ELOVL6: variants seen among roughly 807,000 people sequenced by gnomAD.
ELOVL6 encodes ELOVL fatty acid elongase 6, also known as very long chain fatty acid elongase 6.
A neutral mutation model predicts 31.7 loss-of-function variants in ELOVL6; 8 were observed. That is an observed-to-expected ratio of 0.25 (90% confidence interval 0.15 to 0.45). The LOEUF (loss-of-function observed/expected upper bound fraction) is 0.45, where lower values mean the gene tolerates loss of function less well. ELOVL6 is among the 20% of genes least tolerant of loss of function. The probability of loss-of-function intolerance (pLI) is 1.00; values close to 1 mark genes in which losing one functional copy is unlikely to be tolerated. For synonymous variants in ELOVL6, 101 were observed against 117.7 expected (o/e 0.86, Z 0.92); for missense variants, 126 against 326.4 (o/e 0.39, Z 4.73).
chr4:110,141,442 G>A (rs1757953698), intron 1 of ELOVL6, among the ~76,000 whole-genome samples: 1 of 152,016 alleles, frequency 6.6e-6, no homozygotes, highest in Admixed American at 6.6e-5. Context: ...CAATGCACCT[G>A]AAAAATGCAA....
At chr4:110,172,986 C>T (rs1758998527) in intron 1 of ELOVL6, among the ~76,000 whole-genome samples, 1 of 152,174 alleles carries the variant, frequency 6.6e-6, no homozygotes, top group Non-Finnish European at 1.5e-5. Flanking sequence ...TGTGGATTCT[C>T]ATATGCTTAT....
At chr4:110,084,447 C>CACATATCATATAT (rs779545208) in intron 2 of ELOVL6, among the ~76,000 whole-genome samples, 3 of 109,802 alleles carry the variant, frequency 2.7e-5, no homozygotes, top group African/African-American at 4.4e-5. Context: ...TATGATATAT[C>CACATATCATATAT]GCATATATCA....
At chr4:110,134,758 G>C (rs1188092528) in intron 1 of ELOVL6, among the ~76,000 whole-genome samples, 1 of 152,026 alleles carries the variant, frequency 6.6e-6, no homozygotes, top group Non-Finnish European at 1.5e-5. Flanking sequence ...CCAGGAATTC[G>C]AGACCAGCCT....
chr4:110,111,213 A>G (rs17041366), intron 1 of ELOVL6, among the ~76,000 whole-genome samples: 2,874 of 152,258 alleles, frequency 0.019, 92 homozygotes, highest in African/African-American at 0.065. Context: ...ATCTTGGTGC[A>G]TTCCGTTTTT....
intron 1 of ELOVL6, among the ~76,000 whole-genome samples, chr4:110,106,819 G>T (rs887267886): frequency 6.6e-6 from 1 of 152,008 alleles, no homozygotes; most frequent in South Asian, 2.1e-4. Flanking sequence ...AAGTCACTCT[G>T]GTACAAATGC....
chr4:110,060,505 A>AAT (rs1755107020), intron 2 of ELOVL6, among the ~76,000 whole-genome samples: 2 of 144,634 alleles, frequency 1.4e-5, no homozygotes, highest in African/African-American at 2.9e-5. Context: ...AGACTGTTGA[A>AAT]AAAGTGAGAT....
At chr4:110,079,504 G>A (rs1170812097) in intron 2 of ELOVL6, among the ~76,000 whole-genome samples, 3 of 151,948 alleles carry the variant, frequency 2.0e-5, no homozygotes, top group South Asian at 2.1e-4. Context: ...GGTACATAAC[G>A]AAATGAAAGC....
intron 2 of ELOVL6, among the ~76,000 whole-genome samples, chr4:110,103,986 G>A (rs1756820353): frequency 6.6e-6 from 1 of 152,152 alleles, no homozygotes; most frequent in South Asian, 2.1e-4. Flanking sequence ...ATTATTAATA[G>A]TTCCAAATAA....
intron 2 of ELOVL6, 82 bp from the exon 3 acceptor site, chr4:110,059,836 G>GATGT: frequency 7.7e-7 from 1 of 1,304,188 alleles, no homozygotes; most frequent in Non-Finnish European, 1.1e-6. Flanking sequence ...AAGACTGGTT[G>GATGT]GCCACTGGCA....
At chr4:110,165,795 G>A (rs1193444853) in intron 1 of ELOVL6, among the ~76,000 whole-genome samples, 1 of 152,146 alleles carries the variant, frequency 6.6e-6, no homozygotes, top group African/African-American at 2.4e-5. Flanking sequence ...GGTAACACCT[G>A]CCTTGCAAAA....
At chr4:110,171,947 C>A (rs758953015) in intron 1 of ELOVL6, among the ~76,000 whole-genome samples, 12 of 151,990 alleles carry the variant, frequency 7.9e-5, no homozygotes, top group Admixed American at 2.6e-4. Context: ...GCCTTGGTCC[C>A]CACGGTGCTG....
intron 1 of ELOVL6, among the ~76,000 whole-genome samples, chr4:110,132,466 G>A (rs996662724): frequency 1.3e-5 from 2 of 151,914 alleles, no homozygotes. Context: ...GGGGAGAGAG[G>A]CAAAAGAGAG....
At position 110,084,433 on chromosome 4, in the gene ELOVL6, C is replaced by CATATATGATATATCACATATATGAT. The variant is rs1351467982; in HGVS notation, c.221+21063_221+21064insATCATATATGTGATATATCATATAT. ...GACATACATGATATATCACATATAT[C>CATATATGATATATCACATATATGAT]ATATATGATATATCGCATATATCAT... On this transcript the variant is annotated intron_variant, in intron 2 of 3. Transcript: ENST00000302274. Among the ~76,000 whole-genome samples the CATATATGATATATCACATATATGAT allele has an allele frequency of 2.3e-3, 214 of 93,330 alleles. 20 individuals are homozygous for CATATATGATATATCACATATATGAT. Among genetic ancestry groups the CATATATGATATATCACATATATGAT allele is most frequent in the African/African-American group, 0.012 (209 of 17,482 alleles). The allele number at this position is 93,330 out of a possible 152,430, so 61.2% of individuals were successfully genotyped here.
At chr4:110,143,610 A>G (rs1046172124) in intron 1 of ELOVL6, among the ~76,000 whole-genome samples, 2 of 151,724 alleles carry the variant, frequency 1.3e-5, no homozygotes, top group Admixed American at 1.3e-4. Context: ...GTTTCTACAT[A>G]CAGACCTCCT....
chr4:110,083,993 A>ATAACATATGCTATATACGATATG (rs1560813387), intron 2 of ELOVL6, among the ~76,000 whole-genome samples: 28 of 112,774 alleles, frequency 2.5e-4, no homozygotes, highest in African/African-American at 8.7e-4. Context: ...TATACGATAT[A>ATAACATATGCTATATACGATATG]TAACATATGC....
At chr4:110,120,305 TA>T (rs1409148857) in intron 1 of ELOVL6, among the ~76,000 whole-genome samples, 1 of 150,524 alleles carries the variant, frequency 6.6e-6, no homozygotes, top group Non-Finnish European at 1.5e-5. Flanking sequence ...AATATTTAGC[TA>T]TGTTTACACA....
At chr4:110,070,436 T>C (rs1169562669) in intron 2 of ELOVL6, among the ~76,000 whole-genome samples, 1 of 152,240 alleles carries the variant, frequency 6.6e-6, no homozygotes, top group Non-Finnish European at 1.5e-5. Flanking sequence ...CTTTGTTCCT[T>C]TGAGAAAACT....
intron 2 of ELOVL6, among the ~76,000 whole-genome samples, chr4:110,084,460 T>A (rs1578468195): frequency 9.3e-6 from 1 of 107,550 alleles, no homozygotes; most frequent in African/African-American, 4.1e-5. Context: ...ATATATCATA[T>A]ATGATATATA....
intron 1 of ELOVL6, among the ~76,000 whole-genome samples, chr4:110,121,243 A>G (rs2126253930): frequency 6.6e-6 from 1 of 152,304 alleles, no homozygotes; most frequent in Middle Eastern, 3.4e-3. Flanking sequence ...AATTCAACAT[A>G]TTGAGATGTC....
Sources: gnomAD v4.1 joint callset for allele counts (sites outside exome capture counted in the v4.1 genomes callset) on GRCh38, gnomAD v4.1.1 for gene constraint, MANE v1.5 for transcripts, NCBI Gene and HGNC (gene_info 2026-07-23, HGNC 2026-07-21) for gene names.